The following MTMR9 variants were observed in gnomAD, a reference collection of about 807,000 sequenced individuals.
The protein encoded by MTMR9 is myotubularin related protein 9, also known as myotubularin-related protein 9.
A neutral mutation model predicts 69.5 loss-of-function variants in MTMR9; 39 were observed. The observed-to-expected ratio is 0.56, with a 90% CI of 0.43 to 0.73. MTMR9 has a LOEUF of 0.73. Ranked by LOEUF, MTMR9 falls within the 30% of genes least tolerant of loss-of-function variation. MTMR9 has a pLI of 0.00. For synonymous variants in MTMR9, 354 were observed against 240.8 expected (o/e 1.47, Z -4.35); for missense variants, 900 against 671.2 (o/e 1.34, Z -3.77).
Position 11,317,044 on chromosome 8 carries a change from C to T in MTMR9, c.1334+151C>T, listed in dbSNP as rs914313901. ...CTACAGTTAATTATAATTTAAATGA[C>T]CTGAAGTATATTCTTTTATGAGAGC... On this transcript the variant is annotated intron_variant, in intron 8 of 9. Transcript: ENST00000221086. The T allele has an allele frequency of 4.8e-5, 24 of 498,978 alleles. 1 individual carries two copies. Among genetic ancestry groups the T allele is most frequent in the Middle Eastern group, 5.0e-4 (1 of 2,004 alleles). The allele number at this position is 498,978 out of a possible 1,614,324, so 30.9% of individuals were successfully genotyped here. A position where few individuals can be genotyped will look rare whatever the true frequency, so the allele number is the denominator to read the frequency against.
intron 6 of MTMR9, among the ~76,000 whole-genome samples, chr8:11,312,207 C>T (rs560682595): frequency 3.9e-5 from 6 of 152,072 alleles, no homozygotes; most frequent in African/African-American, 1.4e-4. Context: ...ACCACGGTCA[C>T]CTAATTTTTT....
chr8:11,314,932 A>G lies in MTMR9; in HGVS notation c.981A>G (p.Ala327=). The G allele has an allele frequency of 1.2e-6, 2 of 1,613,838 alleles. No homozygotes were observed. Among genetic ancestry groups the G allele is most frequent in the South Asian group, 1.1e-5 (1 of 91,052 alleles). Residue 327 remains alanine (A), a synonymous_variant, in exon 7 of 10, where the codon GCA becomes GCG. Transcript: ENST00000221086. Reference sequence around the variant, plus strand: ...CTGATTTTCCTATCAGGGAAGGAGCATCAATATTGATTCACGGAACAGAAG... The same window carrying G: ...CTGATTTTCCTATCAGGGAAGGAGCGTCAATATTGATTCACGGAACAGAAG... ...LAAQCIDREG[A]SILIHGTEGT... is the part of the protein sequence containing the mutation.
Position 11,322,691 on chromosome 8 carries a change from T to C in MTMR9, c.1553T>C (p.Ile518Thr), listed in dbSNP as rs755618997. 5.0e-6 allele frequency: 8 copies of C among 1,613,782 alleles called. No individual in the cohort carries two copies. ...GAAGCATATGAAGAAATGGTTAACA[T>C]CATTGAATATAATAAAGAATTACAA... ...LDEAYEEMVN[I>T]IEYNKELQAK... is the part of the protein sequence containing the mutation. Residue 518 changes from isoleucine to threonine, a missense_variant, in exon 10 of 10, where the codon ATC becomes ACC. By Grantham distance (89) the Ile-to-Thr change is moderately conservative. Transcript: ENST00000221086.
At chr8:11,285,140 C>G (rs1046292103) in intron 1 of MTMR9, 70 bp downstream of exon 1, 18 of 1,421,754 alleles carry the variant, frequency 1.3e-5, no homozygotes, top group Non-Finnish European at 1.7e-5. Flanking sequence ...GGAAATACTT[C>G]CTGGCGTTTT....
chr8:11,329,021 T>A (rs1563294610), downstream of MTMR9, among the ~76,000 whole-genome samples: 2 of 152,234 alleles, frequency 1.3e-5, no homozygotes, highest in Non-Finnish European at 2.9e-5. Context: ...TTCCCAACAC[T>A]TTGTTGAAGA....
At chr8:11,309,441 A>G (rs569987679) in intron 5 of MTMR9, 86 bp from the exon 6 acceptor site, 1 of 1,161,540 alleles carries the variant, frequency 8.6e-7, no homozygotes, top group Admixed American at 2.3e-5. Context: ...TTGCTCTTAG[A>G]TATGTTGGAG....
rs145736886 is a variant in MTMR9, at chr8:11,309,691, A to G, written c.971+3A>G. The G allele has an allele frequency of 3.6e-5, 58 of 1,613,168 alleles. 1 individual carries two copies. In the African/African-American group the frequency reaches 7.1e-4, roughly 20 times the overall value. On this transcript the variant is annotated splice_donor_region_variant and intron_variant, in intron 6 of 9. Coordinates refer to ENST00000221086, the MANE Select transcript of MTMR9 (RefSeq NM_015458.4). The stretch of plus-strand genomic sequence containing the variant: ...CTAGCGGCTCAGTGCATCGACAGGT[A>G]AAGTGCATTTCAGCGTTCCTGAGCG...
chr8:11,302,530 T>G (rs1351313406), intron 3 of MTMR9, among the ~76,000 whole-genome samples: 1 of 152,178 alleles, frequency 6.6e-6, no homozygotes, highest in Non-Finnish European at 1.5e-5. Flanking sequence ...GAAAAAAGTT[T>G]GATCAATATC....
chr8:11,318,248 T>TGTCAG (rs1800512277), intron 8 of MTMR9: 1 of 152,272 alleles, frequency 6.6e-6, no homozygotes. Flanking sequence ...TCTGAAGTGG[T>TGTCAG]GTCAGGCTCA....
At position 11,306,271 on chromosome 8, in the gene MTMR9, C is replaced by T; in HGVS notation, c.673C>T (p.Leu225Phe). The T allele has an allele frequency of 6.2e-7, 1 of 1,614,034 alleles. No homozygotes were observed. The highest frequency in any genetic ancestry group is 8.5e-7 in the Non-Finnish European group (1 of 1,179,964). The change falls in exon 5 of 10, where the codon CTC (leucine) becomes TTC (phenylalanine). Residue 225 changes from leucine to phenylalanine, a missense_variant. Coordinates refer to ENST00000221086, the MANE Select transcript of MTMR9 (RefSeq NM_015458.4). Reference protein sequence around the residue: ...KEDEKLINATLRAGKRGYIID... With the variant: ...KEDEKLINATFRAGKRGYIID... Reference sequence around the variant, plus strand: ...GGACGAGAAGCTGATAAATGCTACCCTCAGGGCTGGAAAGCGTGGCTACAT... The same window carrying T: ...GGACGAGAAGCTGATAAATGCTACCTTCAGGGCTGGAAAGCGTGGCTACAT...
At chr8:11,286,530 G>A (rs2117339632) in intron 1 of MTMR9, among the ~76,000 whole-genome samples, 1 of 151,918 alleles carries the variant, frequency 6.6e-6, no homozygotes, top group African/African-American at 2.4e-5. Context: ...ACCGGGCATA[G>A]TGGCAGGTGC....
intron 3 of MTMR9, among the ~76,000 whole-genome samples, chr8:11,303,316 T>C (rs1213127084): frequency 6.6e-6 from 1 of 151,374 alleles, no homozygotes; most frequent in South Asian, 2.1e-4. Flanking sequence ...CCTGTCATTC[T>C]CCAGAGTAGG....
chr8:11,295,200 A>G lies in MTMR9; in HGVS notation c.189A>G (p.Val63=), dbSNP rs751592211. 277 of 1,583,342 alleles carry G rather than the reference A, an allele frequency of 1.7e-4. No individual in the cohort carries two copies. The highest frequency in any genetic ancestry group is 2.3e-4 in the Non-Finnish European group (264 of 1,155,674). The change falls in exon 2 of 10, where the codon GTA becomes GTG. Residue 63 remains valine, a synonymous_variant. Coordinates refer to ENST00000221086, the MANE Select transcript of MTMR9 (RefSeq NM_015458.4). ...SNIDAIDKRF[V]GSLGTIIIKC... ...GATTTGCAATTTCTTACAGATTTGT[A>G]GGATCACTGGGTACCATCATCATAA... is the stretch of plus-strand genomic sequence containing the variant.
chr8:11,306,041 T>A, intron 4 of MTMR9, 149 bp from the exon 5 acceptor site: 1 of 651,858 alleles, frequency 1.5e-6, no homozygotes, highest in South Asian at 2.0e-5. Context: ...TGTCAATACA[T>A]GCAAATATTT....
the MTMR9 span, among the ~76,000 whole-genome samples, chr8:11,333,348 A>G: frequency 6.6e-5 from 10 of 152,250 alleles, no homozygotes; most frequent in Middle Eastern, 3.2e-3. Context: ...ATGGGATGAT[A>G]TAGTTTAAAT....
chr8:11,319,678 C>G lies in MTMR9; in HGVS notation c.1335-9C>G, dbSNP rs775769856. On this transcript the variant is annotated splice_polypyrimidine_tract_variant and intron_variant, in intron 8 of 9. Transcript: ENST00000221086. ...AATTACTTTAATGGCAGTGTTCTTT[C>G]TTGATCAGATGTAAGTTGAAGCTAC... 21 of 1,612,978 alleles carry G rather than the reference C, an allele frequency of 1.3e-5. No homozygotes were observed. The highest frequency in any genetic ancestry group is 5.3e-5 in the African/African-American group (4 of 74,866).
chr8:11,297,501 T>C (rs564137942), intron 2 of MTMR9, among the ~76,000 whole-genome samples: 8 of 152,090 alleles, frequency 5.3e-5, no homozygotes, highest in South Asian at 2.1e-4. Flanking sequence ...CCCACTTCCA[T>C]TGAGCATGTA....
chr8:11,286,959 C>G (rs1315347122), intron 1 of MTMR9, among the ~76,000 whole-genome samples: 1 of 152,166 alleles, frequency 6.6e-6, no homozygotes. Context: ...TAACATTTGC[C>G]AAATGCCTTT....
chr8:11,330,620 C>G (rs1801176074), downstream of MTMR9, among the ~76,000 whole-genome samples: 2 of 152,156 alleles, frequency 1.3e-5, no homozygotes, highest in African/African-American at 4.8e-5. Flanking sequence ...ACCTTGACCC[C>G]AGCCCTGTGC....
Sources: gnomAD v4.1 joint callset for allele counts (sites outside exome capture counted in the v4.1 genomes callset) on GRCh38, gnomAD v4.1.1 for gene constraint, MANE v1.5 for transcripts, NCBI Gene and HGNC (gene_info 2026-07-23, HGNC 2026-07-21) for gene names.